FHIT: variants seen among roughly 807,000 people sequenced by gnomAD.
FHIT encodes fragile histidine triad diadenosine triphosphatase, also known as bis(5'-adenosyl)-triphosphatase.
Under a neutral mutation model 17.9 loss-of-function variants are expected in FHIT, and 19 were observed. The observed-to-expected ratio is 1.06, with a 90% confidence interval of 0.74 to 1.56. FHIT has a LOEUF of 1.56. Among genes scored for constraint, FHIT ranks in the 40% most tolerant of loss-of-function variants. The pLI is 0.00. For synonymous variants in FHIT, 81 were observed against 69.7 expected, an observed-to-expected ratio of 1.16 and a Z score of -0.81; for missense variants, 248 against 189.2, an observed-to-expected ratio of 1.31 and a Z score of -1.82.
chr3:60,544,199 A>T (rs1439881743), intron 4 of FHIT, among the ~76,000 whole-genome samples: 1 of 151,942 alleles, frequency 6.6e-6, no homozygotes, highest in Non-Finnish European at 1.5e-5. Flanking sequence ...GAAGTAACAC[A>T]GGGATCCTTT....
chr3:60,028,130 C>A (rs928460585), intron 5 of FHIT, among the ~76,000 whole-genome samples: 6 of 151,836 alleles, frequency 4.0e-5, no homozygotes, highest in African/African-American at 1.5e-4. Context: ...AAAACACATG[C>A]CCCAAGGTGG....
intron 4 of FHIT, among the ~76,000 whole-genome samples, chr3:60,806,798 A>G (rs1361672606): frequency 1.3e-5 from 2 of 152,250 alleles, no homozygotes; most frequent in African/African-American, 4.8e-5. Flanking sequence ...GCTGTAATTC[A>G]CATAGACTTT....
chr3:60,734,689 T>C (rs1367093412), intron 4 of FHIT, among the ~76,000 whole-genome samples: 1 of 152,210 alleles, frequency 6.6e-6, no homozygotes, highest in Non-Finnish European at 1.5e-5. Flanking sequence ...TTTTAGAGGA[T>C]AGATAACTTC....
At chr3:59,958,371 C>T (rs910156612) in intron 7 of FHIT, among the ~76,000 whole-genome samples, 2 of 152,082 alleles carry the variant, frequency 1.3e-5, no homozygotes, top group African/African-American at 4.8e-5. Flanking sequence ...TAAAAAAAAT[C>T]ACCAAGTTGA....
chr3:60,487,016 G>C (rs77255677), intron 5 of FHIT, among the ~76,000 whole-genome samples: 1,603 of 152,292 alleles, frequency 0.011, 18 homozygotes, highest in East Asian at 0.05. Flanking sequence ...ATAAACACAA[G>C]GTGTAGGATA....
At chr3:60,268,140 C>G (rs1205469562) in intron 5 of FHIT, among the ~76,000 whole-genome samples, 1 of 152,148 alleles carries the variant, frequency 6.6e-6, no homozygotes, top group African/African-American at 2.4e-5. Context: ...CTACAAAAAG[C>G]TTTTCAGGCG....
At chr3:60,143,693 A>C (rs933968596) in intron 5 of FHIT, among the ~76,000 whole-genome samples, 5 of 151,922 alleles carry the variant, frequency 3.3e-5, no homozygotes, top group African/African-American at 1.2e-4. Context: ...TAAGTCAAAC[A>C]GTATGCCTTC....
At chr3:59,843,555 T>C (rs926990383) in intron 8 of FHIT, among the ~76,000 whole-genome samples, 2 of 152,202 alleles carry the variant, frequency 1.3e-5, no homozygotes, top group Non-Finnish European at 2.9e-5. Flanking sequence ...ACATAAGATG[T>C]GTTTTCATTG....
chr3:60,952,961 A>G, intron 3 of FHIT, among the ~76,000 whole-genome samples: 1 of 152,178 alleles, frequency 6.6e-6, no homozygotes, highest in Non-Finnish European at 1.5e-5. Context: ...TATTAAATAA[A>G]TGTGTGTGCT....
intron 5 of FHIT, among the ~76,000 whole-genome samples, chr3:60,201,600 C>G (rs1380881136): frequency 6.6e-6 from 1 of 152,136 alleles, no homozygotes; most frequent in African/African-American, 2.4e-5. Context: ...CAGAATCATT[C>G]ATACATATTT....
intron 4 of FHIT, among the ~76,000 whole-genome samples, chr3:60,554,109 G>A (rs764225044): frequency 5.3e-5 from 8 of 151,814 alleles, no homozygotes; most frequent in Non-Finnish European, 1.2e-4. Context: ...GAAAAAAAAC[G>A]TATCAGGGAA....
rs60584669 is a variant in FHIT at position 60,710,668 on chromosome 3, T to G, written c.-18+111251A>C. ...CCTACACCCACGGAGTCTCACTGAT[T>G]GCTAGCACAGCAATCTGAGATCAAA... On this transcript the variant is annotated intron_variant, in intron 4 of 9. Transcript: ENST00000492590. Among the ~76,000 whole-genome samples the G allele has an allele frequency of 2.5e-3, 387 of 152,276 alleles. 4 individuals carry two copies. The highest frequency in any genetic ancestry group is 9.1e-3 in the African/African-American group (379 of 41,574).
intron 5 of FHIT, among the ~76,000 whole-genome samples, chr3:60,329,710 G>A (rs1169227096): frequency 6.6e-6 from 1 of 152,154 alleles, no homozygotes; most frequent in Non-Finnish European, 1.5e-5. Flanking sequence ...GAAGCAATCA[G>A]AACAAAGCCA....
chr3:60,041,987 A>C (rs1278645390), intron 5 of FHIT, among the ~76,000 whole-genome samples: 1 of 152,200 alleles, frequency 6.6e-6, no homozygotes, highest in Non-Finnish European at 1.5e-5. Flanking sequence ...AGTATACAAT[A>C]AAAAAATAAT....
chr3:60,519,398 G>C (rs141991665), intron 5 of FHIT, among the ~76,000 whole-genome samples: 2 of 152,234 alleles, frequency 1.3e-5, no homozygotes, highest in African/African-American at 2.4e-5. Flanking sequence ...GTTGGCCCTT[G>C]AACAATTAAG....
At chr3:60,037,186 C>G (rs1447388751) in intron 5 of FHIT, among the ~76,000 whole-genome samples, 4 of 152,150 alleles carry the variant, frequency 2.6e-5, no homozygotes, top group African/African-American at 7.2e-5. Context: ...TTTAGCTCAT[C>G]CAATTCTTTT....
chr3:60,801,953 C>T (rs1179063469), intron 4 of FHIT, among the ~76,000 whole-genome samples: 1 of 152,168 alleles, frequency 6.6e-6, no homozygotes, highest in Non-Finnish European at 1.5e-5. Context: ...ATCGGCAAAA[C>T]AGAACATTTC....
intron 7 of FHIT, among the ~76,000 whole-genome samples, chr3:60,010,618 T>C (rs1291929323): frequency 3.3e-5 from 5 of 152,204 alleles, no homozygotes; most frequent in African/African-American, 4.8e-5. Context: ...GCACCAAAAA[T>C]AGAGCCTTTT....
intron 5 of FHIT, among the ~76,000 whole-genome samples, chr3:60,058,097 T>C (rs1702153160): frequency 6.8e-6 from 1 of 146,000 alleles, no homozygotes; most frequent in African/African-American, 2.5e-5. Context: ...GTCCGGGGAA[T>C]AGGGAGTTAT....
Sources: gnomAD v4.1 joint callset for allele counts (sites outside exome capture counted in the v4.1 genomes callset) on GRCh38, gnomAD v4.1.1 for gene constraint, MANE v1.5 for transcripts, NCBI Gene and HGNC (gene_info 2026-07-23, HGNC 2026-07-21) for gene names.